Variants in ARHGAP10 observed in about 807,000 individuals in gnomAD.
The protein encoded by ARHGAP10 is rho GTPase-activating protein 10.
In ARHGAP10, 87 loss-of-function variants were observed where a neutral mutation model predicts 108.6. The ratio of observed to expected loss-of-function variants is 0.80; its 90% CI spans 0.67 to 0.96. The LOEUF is 0.96. Among genes scored for constraint, ARHGAP10 ranks in the 40% least tolerant of loss-of-function variants. The pLI is 0.00. For synonymous variants in ARHGAP10, 347 were observed against 341.1 expected, an observed-to-expected ratio of 1.02 and a Z score of -0.19; for missense variants, 939 against 954.5, an observed-to-expected ratio of 0.98 and a Z score of 0.21.
intron 8 of ARHGAP10, among the ~76,000 whole-genome samples, chr4:147,878,850 C>T (rs777215094): frequency 6.1e-5 from 9 of 147,550 alleles, no homozygotes; most frequent in Non-Finnish European, 8.9e-5. Flanking sequence ...GATCTCGGCT[C>T]ACTGCAAGCT....
rs556818217 is a variant in ARHGAP10 at position 147,962,791 on chromosome 4, G to A, written c.1451-2233G>A. The stretch of plus-strand genomic sequence containing the variant: ...CACTTTTCCCACCTCAGTCTCCTGG[G>A]TAGCTGGGATTACAGGTGCACACCA... On this transcript the variant is annotated intron_variant, in intron 16 of 22. Coordinates refer to ENST00000336498, the MANE Select transcript of ARHGAP10 (RefSeq NM_024605.4). Among the ~76,000 whole-genome samples, 125 of 152,176 alleles carry A rather than the reference G, an allele frequency of 8.2e-4. 2 individuals are homozygous for A. The South Asian group carries it at 0.024, about 30-fold the overall frequency.
chr4:148,027,882 T>G (rs1325670883), intron 19 of ARHGAP10, among the ~76,000 whole-genome samples: 1 of 152,174 alleles, frequency 6.6e-6, no homozygotes, highest in Non-Finnish European at 1.5e-5. Context: ...TGGAATGCTG[T>G]TAGCCATTTG....
At chr4:147,853,145 C>G (rs1465175040) in intron 4 of ARHGAP10, among the ~76,000 whole-genome samples, 1 of 152,214 alleles carries the variant, frequency 6.6e-6, no homozygotes, top group Non-Finnish European at 1.5e-5. Context: ...TTGGACAGGG[C>G]ATGATCCCAC....
chr4:148,018,269 A>C (rs766121508), intron 18 of ARHGAP10, among the ~76,000 whole-genome samples: 1 of 152,162 alleles, frequency 6.6e-6, no homozygotes, highest in African/African-American at 2.4e-5. Flanking sequence ...TGATGCCAGG[A>C]AAGTTGGGAG....
intron 3 of ARHGAP10, among the ~76,000 whole-genome samples, chr4:147,828,880 G>GTTT (rs11381308): frequency 1.4e-4 from 20 of 145,182 alleles, no homozygotes; most frequent in Admixed American, 2.7e-4. Flanking sequence ...AGTCAAGATA[G>GTTT]TTTTTTTTTT....
At chr4:147,924,325 G>A (rs1737366705) in intron 13 of ARHGAP10, among the ~76,000 whole-genome samples, 1 of 151,984 alleles carries the variant, frequency 6.6e-6, no homozygotes. Flanking sequence ...CTTTCCTGTT[G>A]TCCAGTGACT....
intron 19 of ARHGAP10, among the ~76,000 whole-genome samples, chr4:148,044,646 T>A (rs896799969): frequency 1.3e-5 from 2 of 151,770 alleles, no homozygotes; most frequent in Non-Finnish European, 2.9e-5. Flanking sequence ...TTGAGGGGAG[T>A]CATTGCTCAT....
chr4:147,781,157 G>T (rs1052370127), intron 1 of ARHGAP10, among the ~76,000 whole-genome samples: 10 of 152,094 alleles, frequency 6.6e-5, no homozygotes, highest in Non-Finnish European at 1.5e-5. Flanking sequence ...AAGAGATCGA[G>T]ACCATTCTGG....
intron 10 of ARHGAP10, among the ~76,000 whole-genome samples, chr4:147,902,201 T>C (rs1736278352): frequency 6.6e-6 from 1 of 152,202 alleles, no homozygotes; most frequent in African/African-American, 2.4e-5. Context: ...ATTTTTGCCA[T>C]TTTGTATCAT....
intron 22 of ARHGAP10, among the ~76,000 whole-genome samples, chr4:148,070,422 C>T (rs1416706991): frequency 5.3e-5 from 8 of 152,148 alleles, no homozygotes; most frequent in Admixed American, 1.3e-4. Flanking sequence ...TGCAGACAGC[C>T]GGAATGTGTT....
At chr4:148,000,537 C>T (rs1740672719) in intron 18 of ARHGAP10, among the ~76,000 whole-genome samples, 1 of 152,196 alleles carries the variant, frequency 6.6e-6, no homozygotes, top group Non-Finnish European at 1.5e-5. Flanking sequence ...TTTACAGTCC[C>T]ACCAACAGTG....
intron 16 of ARHGAP10, among the ~76,000 whole-genome samples, chr4:147,956,507 G>A (rs1578731012): frequency 6.6e-6 from 1 of 152,156 alleles, no homozygotes; most frequent in East Asian, 1.9e-4. Context: ...GAATTTGTGA[G>A]ATCAAGGGAG....
chr4:147,736,120 C>CTGTGTGTG (rs10644088), intron 1 of ARHGAP10, among the ~76,000 whole-genome samples: 1,881 of 144,724 alleles, frequency 0.013, 32 homozygotes, highest in African/African-American at 0.037. Flanking sequence ...AATTGTCTAG[C>CTGTGTGTG]TGTGTGTGTG....
intron 18 of ARHGAP10, among the ~76,000 whole-genome samples, chr4:148,008,590 T>C (rs1241650060): frequency 6.6e-6 from 1 of 151,884 alleles, no homozygotes; most frequent in African/African-American, 2.4e-5. Context: ...CAAATGCTAA[T>C]AGTGCTGAGA....
chr4:148,055,949 T>G (rs899019150), intron 20 of ARHGAP10, among the ~76,000 whole-genome samples: 1 of 152,170 alleles, frequency 6.6e-6, no homozygotes, highest in Non-Finnish European at 1.5e-5. Context: ...CCCACGTCCC[T>G]TCCAGGCTTC....
chr4:147,963,884 G>A (rs912286957), intron 16 of ARHGAP10, among the ~76,000 whole-genome samples: 5 of 152,138 alleles, frequency 3.3e-5, no homozygotes, highest in Non-Finnish European at 5.9e-5. Context: ...GCCTGTACAC[G>A]GTCACTATCC....
chr4:148,021,962 G>A (rs1411445499), intron 18 of ARHGAP10, among the ~76,000 whole-genome samples: 1 of 152,114 alleles, frequency 6.6e-6, no homozygotes, highest in Admixed American at 6.5e-5. Flanking sequence ...CTTTGAAGTA[G>A]CTTATTTTTA....
chr4:147,847,519 G>C (rs1460462352), intron 4 of ARHGAP10, among the ~76,000 whole-genome samples: 1 of 152,168 alleles, frequency 6.6e-6, no homozygotes, highest in African/African-American at 2.4e-5. Flanking sequence ...TATTACTGGG[G>C]GGAGTGTAGT....
At chr4:147,910,921 C>T (rs1736703241) in intron 12 of ARHGAP10, among the ~76,000 whole-genome samples, 1 of 151,990 alleles carries the variant, frequency 6.6e-6, no homozygotes, top group South Asian at 2.1e-4. Context: ...TCCCCTGAGG[C>T]ACCTTCTTAC....
Sources: allele counts gnomAD v4.1 joint callset (sites outside exome capture counted in the v4.1 genomes callset), GRCh38; gene constraint gnomAD v4.1.1; transcripts MANE v1.5; gene names NCBI Gene and HGNC (gene_info 2026-07-23, HGNC 2026-07-21).